Variants in CNTN5 observed in about 807,000 individuals in gnomAD.
The protein encoded by CNTN5 is contactin 5, also known as contactin-5.
CNTN5 carries 77 observed loss-of-function variants against 129.1 expected under a neutral mutation model. The observed-to-expected ratio is 0.60, with a 90% CI of 0.50 to 0.72. The LOEUF is 0.72. CNTN5 is among the 30% of genes least tolerant of loss of function. The probability of loss-of-function intolerance (pLI) is 0.00; values close to 1 mark genes in which losing one functional copy is unlikely to be tolerated. For synonymous variants in CNTN5, 509 were observed against 465.6 expected, an observed-to-expected ratio of 1.09 and a Z score of -1.20; for missense variants, 1,478 against 1,328.8, an observed-to-expected ratio of 1.11 and a Z score of -1.75.
intron 1 of CNTN5, among the ~76,000 whole-genome samples, chr11:99,194,026 G>T (rs994062116): frequency 2.0e-5 from 3 of 152,050 alleles, no homozygotes; most frequent in Non-Finnish European, 2.9e-5. Flanking sequence ...AGAAAATCTG[G>T]CAAAGGAACA....
At chr11:99,964,925 T>C (rs187480180) in intron 8 of CNTN5, among the ~76,000 whole-genome samples, 2,407 of 152,330 alleles carry the variant, frequency 0.016, 67 homozygotes, top group African/African-American at 0.055. Flanking sequence ...CCATTTCTTC[T>C]AGATTTTCTA....
intron 13 of CNTN5, among the ~76,000 whole-genome samples, chr11:100,125,292 A>C (rs1946147660): frequency 6.6e-6 from 1 of 152,002 alleles, no homozygotes; most frequent in Non-Finnish European, 1.5e-5. Flanking sequence ...ACTGAATATA[A>C]TACCCAGTAG....
chr11:99,915,265 G>C (rs996855924), intron 6 of CNTN5, among the ~76,000 whole-genome samples: 1 of 152,050 alleles, frequency 6.6e-6, no homozygotes, highest in African/African-American at 2.4e-5. Flanking sequence ...GATATAAATA[G>C]TTTAATAAGC....
chr11:99,837,762 A>G (rs958123948), intron 4 of CNTN5, among the ~76,000 whole-genome samples: 2 of 151,900 alleles, frequency 1.3e-5, no homozygotes, highest in Admixed American at 1.3e-4. Context: ...TATAATTTTA[A>G]CATCAAGAAT....
chr11:99,150,282 C>T (rs1859989732), intron 1 of CNTN5, among the ~76,000 whole-genome samples: 1 of 151,954 alleles, frequency 6.6e-6, no homozygotes, highest in Non-Finnish European at 1.5e-5. Flanking sequence ...CATATATTTA[C>T]ATTATTTGGT....
At chr11:99,499,014 A>G (rs892143814) in intron 2 of CNTN5, among the ~76,000 whole-genome samples, 1 of 152,146 alleles carries the variant, frequency 6.6e-6, no homozygotes, top group Non-Finnish European at 1.5e-5. Context: ...ACATGAGCCA[A>G]TACATCCCCT....
intron 4 of CNTN5, among the ~76,000 whole-genome samples, chr11:99,837,172 T>C (rs1373029486): frequency 6.6e-6 from 1 of 152,192 alleles, no homozygotes; most frequent in Non-Finnish European, 1.5e-5. Context: ...ACGATGGAGT[T>C]GCTCTGTTTC....
intron 13 of CNTN5, among the ~76,000 whole-genome samples, chr11:100,095,338 G>A (rs533252407): frequency 5.3e-5 from 8 of 152,190 alleles, no homozygotes; most frequent in African/African-American, 1.9e-4. Context: ...AGAAATTAAA[G>A]TATGTTTTTG....
intron 1 of CNTN5, among the ~76,000 whole-genome samples, chr11:99,319,280 T>C (rs144243770): frequency 2.0e-5 from 3 of 152,322 alleles, no homozygotes; most frequent in South Asian, 2.1e-4. Flanking sequence ...ACGTCCTTAA[T>C]GTGTCAAATG....
At chr11:99,621,231 A>G (rs57031738) in intron 3 of CNTN5, among the ~76,000 whole-genome samples, 8,194 of 152,242 alleles carry the variant, frequency 0.054, 235 homozygotes, top group South Asian at 0.085. Context: ...GAGGTGTTAA[A>G]TTCGAGTTAA....
chr11:99,312,630 G>T (rs1320170127), intron 1 of CNTN5, among the ~76,000 whole-genome samples: 1 of 152,070 alleles, frequency 6.6e-6, no homozygotes, highest in Non-Finnish European at 1.5e-5. Flanking sequence ...AAATTATGTA[G>T]CCTTTCTATA....
At chr11:99,628,553 C>A (rs1197605574) in intron 3 of CNTN5, among the ~76,000 whole-genome samples, 1 of 150,932 alleles carries the variant, frequency 6.6e-6, no homozygotes, top group African/African-American at 2.4e-5. Flanking sequence ...GTATAAAAAT[C>A]TGAATTATGT....
At chr11:100,152,752 T>G (rs1178024695) in intron 13 of CNTN5, among the ~76,000 whole-genome samples, 1 of 152,162 alleles carries the variant, frequency 6.6e-6, no homozygotes, top group Non-Finnish European at 1.5e-5. Flanking sequence ...TATTAATGAT[T>G]CTTTAAAAAT....
At chr11:99,496,544 A>AT (rs1946234466) in intron 2 of CNTN5, among the ~76,000 whole-genome samples, 1 of 152,222 alleles carries the variant, frequency 6.6e-6, no homozygotes. Flanking sequence ...TATAAAGTAT[A>AT]TGGGAACAGC....
In CNTN5 at chr11:100,299,187, G is replaced by A; in HGVS notation, c.2411G>A (p.Gly804Glu). Reference sequence around the variant, plus strand: ...CCAGTATCTGAAGAGTTTCAGAATGGGGAAGGCTTCGGCTATATTGTGGCT... The same window carrying A: ...CCAGTATCTGAAGAGTTTCAGAATGAGGAAGGCTTCGGCTATATTGTGGCT... ...WEPVSEEFQNGEGFGYIVAFR... is the reference protein window; with the variant it reads ...WEPVSEEFQNEEGFGYIVAFR... Residue 804 changes from glycine to glutamate, a missense_variant, in exon 20 of 25, where the codon GGG (glycine) becomes GAG (glutamate). Physicochemically the swap from Gly to Glu is moderately conservative, Grantham distance 98. Coordinates refer to ENST00000524871, the MANE Select transcript of CNTN5 (RefSeq NM_014361.4). The A allele has an allele frequency of 6.2e-7, 1 of 1,606,470 alleles. No individual in the cohort carries two copies. The highest frequency in any genetic ancestry group is 8.5e-7 in the Non-Finnish European group (1 of 1,175,398).
intron 2 of CNTN5, among the ~76,000 whole-genome samples, chr11:99,351,854 A>G (rs1015209890): frequency 6.6e-6 from 1 of 152,216 alleles, no homozygotes; most frequent in Non-Finnish European, 1.5e-5. Flanking sequence ...CAGATCTCCA[A>G]TGAAGCATAG....
intron 3 of CNTN5, among the ~76,000 whole-genome samples, chr11:99,768,789 A>T (rs1194755073): frequency 6.6e-6 from 1 of 152,078 alleles, no homozygotes; most frequent in Non-Finnish European, 1.5e-5. Flanking sequence ...TGCCAGACTT[A>T]TTTATTCTAG....
intron 1 of CNTN5, among the ~76,000 whole-genome samples, chr11:99,168,342 G>T (rs921155676): frequency 2.0e-5 from 3 of 152,054 alleles, no homozygotes; most frequent in East Asian, 3.9e-4. Context: ...GGCCGGGGGG[G>T]TGGGGGGACG....
chr11:99,370,349 T>C (rs1939749813), intron 2 of CNTN5, among the ~76,000 whole-genome samples: 1 of 152,170 alleles, frequency 6.6e-6, no homozygotes, highest in Admixed American at 6.5e-5. Flanking sequence ...GATCGCAAGT[T>C]TTTAGGTCGC....
Sources: gnomAD v4.1 joint callset for allele counts (sites outside exome capture counted in the v4.1 genomes callset) on GRCh38, gnomAD v4.1.1 for gene constraint, MANE v1.5 for transcripts, NCBI Gene and HGNC (gene_info 2026-07-23, HGNC 2026-07-21) for gene names.